ANKS1B: variants seen among roughly 807,000 people sequenced by gnomAD.
ANKS1B encodes ankyrin repeat and sterile alpha motif domain containing 1B.
ANKS1B carries 36 observed loss-of-function variants against 148.3 expected under a neutral mutation model. That is an observed-to-expected ratio of 0.24 (90% CI 0.19 to 0.32). The LOEUF (loss-of-function observed/expected upper bound fraction) is 0.32. Ranked by LOEUF, ANKS1B falls within the 10% of genes least tolerant of loss-of-function variation. The pLI is 1.00. For missense variants in ANKS1B, 1,157 were observed against 1,542.6 expected (o/e 0.75, Z 4.19); for synonymous variants, 542 against 560.8 (o/e 0.97, Z 0.47).
At chr12:99,712,009 C>T (rs2056704719) in intron 8 of ANKS1B, among the ~76,000 whole-genome samples, 1 of 152,092 alleles carries the variant, frequency 6.6e-6, no homozygotes, top group Non-Finnish European at 1.5e-5. Flanking sequence ...GAATACTATC[C>T]AGTCATAAAA....
intron 9 of ANKS1B, among the ~76,000 whole-genome samples, chr12:99,581,869 G>A (rs1185960283): frequency 2.1e-5 from 3 of 145,554 alleles, no homozygotes; most frequent in Non-Finnish European, 4.5e-5. Flanking sequence ...CCGCAGTCCA[G>A]CCTGGGCGAC....
chr12:98,820,481 T>TCTGTCGTA (rs2099177712), intron 19 of ANKS1B, among the ~76,000 whole-genome samples: 1 of 152,240 alleles, frequency 6.6e-6, no homozygotes, highest in African/African-American at 2.4e-5. Flanking sequence ...TAGAGCCCTG[T>TCTGTCGTA]GGTTTTATGA....
At chr12:99,126,853 T>C (rs1600573162) in intron 15 of ANKS1B, among the ~76,000 whole-genome samples, 1 of 152,266 alleles carries the variant, frequency 6.6e-6, no homozygotes, top group East Asian at 1.9e-4. Flanking sequence ...CTACCCACTT[T>C]TGGTCCAAGC....
At chr12:99,392,901 TC>T (rs1329587389) in intron 12 of ANKS1B, among the ~76,000 whole-genome samples, 1 of 148,344 alleles carries the variant, frequency 6.7e-6, no homozygotes, top group African/African-American at 2.5e-5. Flanking sequence ...TACTTGAATA[TC>T]CAACAGATTT....
chr12:99,823,890 G>C (rs1365483420), intron 2 of ANKS1B, among the ~76,000 whole-genome samples: 1 of 152,142 alleles, frequency 6.6e-6, no homozygotes, highest in Non-Finnish European at 1.5e-5. Flanking sequence ...TTGAATACCA[G>C]ATGGCTATAG....
chr12:99,226,224 G>T (rs1566676669), intron 14 of ANKS1B, among the ~76,000 whole-genome samples: 1 of 152,066 alleles, frequency 6.6e-6, no homozygotes, highest in Non-Finnish European at 1.5e-5. Flanking sequence ...AGAAATTTCT[G>T]CTGTAAGTGC....
At chr12:99,080,383 G>T (rs534758687) in intron 16 of ANKS1B, among the ~76,000 whole-genome samples, 1 of 152,188 alleles carries the variant, frequency 6.6e-6, no homozygotes, top group African/African-American at 2.4e-5. Flanking sequence ...AAGCCCTTGA[G>T]GGATTAGTGG....
intron 17 of ANKS1B, among the ~76,000 whole-genome samples, chr12:98,899,450 G>T (rs2099769106): frequency 6.6e-6 from 1 of 152,140 alleles, no homozygotes; most frequent in East Asian, 1.9e-4. Context: ...TTCTGTGAAG[G>T]TATTTTGTAG....
intron 1 of ANKS1B, among the ~76,000 whole-genome samples, chr12:99,964,210 T>C (rs1356059174): frequency 6.6e-6 from 1 of 152,188 alleles, no homozygotes; most frequent in Admixed American, 6.5e-5. Flanking sequence ...GGAGAAATAG[T>C]ATCCAGGAGA....
chr12:99,110,103 A>C (rs2059998203), intron 15 of ANKS1B, among the ~76,000 whole-genome samples: 1 of 152,206 alleles, frequency 6.6e-6, no homozygotes, highest in African/African-American at 2.4e-5. Flanking sequence ...CCACATCTTT[A>C]CTAGTTATCT....
intron 12 of ANKS1B, among the ~76,000 whole-genome samples, chr12:99,387,603 A>AG (rs2093919346): frequency 1.3e-5 from 2 of 151,040 alleles, no homozygotes; most frequent in African/African-American, 4.9e-5. Flanking sequence ...CTCAAAAAAA[A>AG]AAGAAGAAGA....
intron 19 of ANKS1B, among the ~76,000 whole-genome samples, chr12:98,821,519 C>T (rs983515133): frequency 6.6e-6 from 1 of 152,206 alleles, no homozygotes; most frequent in Non-Finnish European, 1.5e-5. Flanking sequence ...CTCTGTCTCT[C>T]TCTCTCACAT....
chr12:98,785,703 C>T (rs1023805871), intron 22 of ANKS1B, among the ~76,000 whole-genome samples: 3 of 152,124 alleles, frequency 2.0e-5, no homozygotes, highest in African/African-American at 4.8e-5. Context: ...TTCCCAGGGA[C>T]GAAGGCGCCT....
intron 12 of ANKS1B, among the ~76,000 whole-genome samples, chr12:99,290,267 A>G (rs2079761337): frequency 8.0e-5 from 12 of 149,926 alleles, no homozygotes; most frequent in Admixed American, 7.9e-4. Flanking sequence ...GATCAAAGCC[A>G]TACTAAAAAG....
rs546026145 is a variant in ANKS1B at position 99,335,095 on chromosome 12, A to C, written c.1756+64536T>G. 2.5e-4 allele frequency among the ~76,000 whole-genome samples: 38 copies of C among 152,230 alleles called. No homozygotes were observed. In the South Asian group the frequency reaches 7.7e-3, roughly 31 times the overall value. ...AGCAGATGTTATATTTATTTAACAA[A>C]CATATTTTCCACTTCTAAGAGTTCT... On this transcript the variant is annotated intron_variant, in intron 12 of 26. Transcript: ENST00000683438.
At chr12:99,174,531 A>G (rs1192006541) in intron 14 of ANKS1B, among the ~76,000 whole-genome samples, 1 of 152,174 alleles carries the variant, frequency 6.6e-6, no homozygotes, top group East Asian at 1.9e-4. Flanking sequence ...AACTCAGTAC[A>G]ATAAAAGTTA....
chr12:98,913,989 C>T (rs1358207506), intron 17 of ANKS1B, among the ~76,000 whole-genome samples: 1 of 152,138 alleles, frequency 6.6e-6, no homozygotes, highest in Non-Finnish European at 1.5e-5. Context: ...GGCCAAAATC[C>T]ATGGGCTTAT....
chr12:98,894,503 C>T lies in ANKS1B; in HGVS notation c.2779-62367G>A, dbSNP rs927418902. ...CAACACCTGCCCCGGCAAAGCGTCT[C>T]CGCAGCCTTCCCGGCTTGCCCGACT... On this transcript the variant is annotated intron_variant, in intron 17 of 26. Transcript: ENST00000683438. 4.3e-6 allele frequency: 4 copies of T among 919,720 alleles called. No homozygotes were observed. In the African/African-American group the frequency reaches 7.2e-5, roughly 16 times the overall value. The allele number at this position is 919,720 out of a possible 1,614,324, so 57.0% of individuals were successfully genotyped here.
In ANKS1B at chr12:98,829,374, A is replaced by G. The variant is rs1200395526; in HGVS notation, c.2887-21T>C. 1 of 1,608,730 alleles carries G rather than the reference A, an allele frequency of 6.2e-7. No individual in the cohort carries two copies. Among genetic ancestry groups the G allele is most frequent in the Non-Finnish European group, 8.5e-7 (1 of 1,176,778 alleles). ...GGTTCCTGAATGGAAATACATCATGAAATAAATACCATGTTCTGTGGCTAA... is the reference window on the plus strand; with the variant it reads ...GGTTCCTGAATGGAAATACATCATGGAATAAATACCATGTTCTGTGGCTAA... On this transcript the variant is annotated intron_variant, in intron 18 of 26. Transcript: ENST00000683438. This position sits in a 1 kb window ranked among gnomAD's most constrained non-coding sequence, Gnocchi z 5.2.
Sources: gnomAD v4.1 joint callset for allele counts (sites outside exome capture counted in the v4.1 genomes callset) on GRCh38, gnomAD v4.1.1 for gene constraint, Gnocchi (gnomAD v3.1) non-coding constraint, MANE v1.5 for transcripts, NCBI Gene and HGNC (gene_info 2026-07-23, HGNC 2026-07-21) for gene names.